The following FAAH2 variants were observed in gnomAD, a reference collection of about 807,000 sequenced individuals.
FAAH2 encodes the protein fatty acid amide hydrolase 2.
Under a neutral mutation model 36.9 loss-of-function variants are expected in FAAH2, and 60 were observed. The observed-to-expected ratio is 1.63, with a 90% CI of 1.32 to 2.02. The LOEUF (loss-of-function observed/expected upper bound fraction) is 2.02. Among genes scored for constraint, FAAH2 ranks in the 30% most tolerant of loss-of-function variants. FAAH2 has a pLI of 0.00. For synonymous variants in FAAH2, 214 were observed against 143.8 expected (o/e 1.49, Z -3.49); for missense variants, 689 against 397.5 (o/e 1.73, Z -6.23).
At chrX:57,330,968 C>T (rs950585750) in intron 3 of FAAH2, among the ~76,000 whole-genome samples, 13 of 110,335 alleles carry the variant, frequency 1.2e-4, no homozygotes, top group African/African-American at 4.3e-4. Flanking sequence ...CAGACTTGGG[C>T]CCTGGGAGAA....
intron 8 of FAAH2, among the ~76,000 whole-genome samples, chrX:57,432,810 G>A (rs2056331231): frequency 9.0e-6 from 1 of 110,747 alleles, no homozygotes; most frequent in East Asian, 2.8e-4. Flanking sequence ...TGTTATCTTG[G>A]GCAAGTTACT....
intron 2 of FAAH2, among the ~76,000 whole-genome samples, chrX:57,305,291 A>T (rs1247986766): frequency 1.8e-5 from 2 of 111,325 alleles, no homozygotes; most frequent in Non-Finnish European, 3.8e-5. Context: ...ATTAAAATCA[A>T]ACTCATGAAA....
At chrX:57,153,527 T>C in the FAAH2 span, among the ~76,000 whole-genome samples, 307 of 112,183 alleles carry the variant, frequency 2.7e-3, no homozygotes, top group African/African-American at 9.3e-3. Context: ...GATTTCAGTC[T>C]CCCCTTAGTA....
chrX:57,247,600 G>T, the FAAH2 span, among the ~76,000 whole-genome samples: 1 of 111,159 alleles, frequency 9.0e-6, no homozygotes, highest in South Asian at 3.8e-4. Context: ...TATCTTGTTT[G>T]TCTACCATTC....
intron 2 of FAAH2, among the ~76,000 whole-genome samples, chrX:57,307,201 G>T (rs1000891033): frequency 1.9e-5 from 2 of 104,962 alleles, no homozygotes; most frequent in African/African-American, 6.8e-5. Context: ...TCTGTTTGGG[G>T]TTCTTCTTCT....
chrX:57,220,486 AC>A, the FAAH2 span, among the ~76,000 whole-genome samples: 1 of 109,756 alleles, frequency 9.1e-6, no homozygotes, highest in Non-Finnish European at 1.9e-5. Context: ...CTCCTAATCC[AC>A]CCCCAATGTT....
At chrX:57,352,108 GTGTATATATA>G in intron 5 of FAAH2, among the ~76,000 whole-genome samples, 1 of 41,536 alleles carries the variant, frequency 2.4e-5, no homozygotes, top group South Asian at 1.5e-3. Context: ...ATATATATAT[GTGTATATATA>G]TGCACATATA....
At chrX:57,417,814 C>T (rs1027443535) in intron 7 of FAAH2, among the ~76,000 whole-genome samples, 1 of 111,970 alleles carries the variant, frequency 8.9e-6, no homozygotes, top group Non-Finnish European at 1.9e-5. Context: ...TTTAAGTCTG[C>T]TGAAGCTGGG....
At chrX:57,275,005 C>T in the FAAH2 span, among the ~76,000 whole-genome samples, 43 of 111,626 alleles carry the variant, frequency 3.9e-4, no homozygotes, top group Admixed American at 1.6e-3. Flanking sequence ...TTTAGAAAAC[C>T]CCATCATCTC....
At chrX:57,165,444 A>G in the FAAH2 span, among the ~76,000 whole-genome samples, 5 of 111,346 alleles carry the variant, frequency 4.5e-5, no homozygotes, top group South Asian at 1.9e-3. Flanking sequence ...GCAAGAACAA[A>G]AAACCAAACA....
chrX:57,431,934 A>G lies in FAAH2; in HGVS notation c.1013A>G (p.Glu338Gly), dbSNP rs955723841. 2.5e-6 allele frequency: 3 copies of G among 1,201,673 alleles called. No individual in the cohort carries two copies. The highest frequency in any genetic ancestry group is 3.4e-6 in the Non-Finnish European group (3 of 889,680). ...MTQKKVVVHL[E>G]TILGASVQHV... is the part of the protein sequence containing the mutation. ...TTTTATAAGGTTGTGGTTCACCTTG[A>G]AACTATTCTAGGAGCCTCAGTTCAA... The change falls in exon 8 of 11, where the codon GAA becomes GGA. Residue 338 changes from glutamate to glycine, a missense_variant. Glu to Gly is a moderately conservative substitution (Grantham distance 98). Coordinates refer to ENST00000374900, the MANE Select transcript of FAAH2 (RefSeq NM_174912.4).
the FAAH2 span, among the ~76,000 whole-genome samples, chrX:57,199,504 G>A: frequency 9.0e-6 from 1 of 111,383 alleles, no homozygotes; most frequent in Non-Finnish European, 1.9e-5. Context: ...CTAACATACT[G>A]TCTATCCTTG....
At chrX:57,436,306 A>G (rs2147128553) in intron 8 of FAAH2, among the ~76,000 whole-genome samples, 1 of 110,585 alleles carries the variant, frequency 9.0e-6, no homozygotes, top group South Asian at 3.8e-4. Flanking sequence ...ACTGCCATGA[A>G]CTAGAAACAC....
the FAAH2 span, among the ~76,000 whole-genome samples, chrX:57,238,641 A>G: frequency 4.5e-5 from 5 of 112,047 alleles, no homozygotes; most frequent in East Asian, 1.4e-3. Flanking sequence ...GAAAGTTAAA[A>G]AAACTTCCTT....
chrX:57,463,723 G>A (rs903970726), intron 10 of FAAH2, among the ~76,000 whole-genome samples: 2 of 111,771 alleles, frequency 1.8e-5, no homozygotes, highest in Non-Finnish European at 3.8e-5. Flanking sequence ...ACCCCAGTTA[G>A]AATGGTGATC....
At chrX:57,457,125 G>A (rs1251583141) in intron 10 of FAAH2, among the ~76,000 whole-genome samples, 1 of 111,637 alleles carries the variant, frequency 9.0e-6, no homozygotes, top group East Asian at 2.8e-4. Context: ...TTTATTTCTG[G>A]GATGCAAGGT....
At chrX:57,292,278 G>A (rs1019077368) in intron 1 of FAAH2, among the ~76,000 whole-genome samples, 37 of 111,107 alleles carry the variant, frequency 3.3e-4, no homozygotes, top group Admixed American at 9.6e-5. Context: ...CTCATTGTTT[G>A]GAACTTTCTT....
At position 57,330,900 on chromosome X, in the gene FAAH2, G is replaced by A. The variant is rs138840036; in HGVS notation, c.413-698G>A. Among the ~76,000 whole-genome samples, 481 of 110,523 alleles carry A rather than the reference G, an allele frequency of 4.4e-3. 3 individuals carry two copies. Among genetic ancestry groups the A allele is most frequent in the Middle Eastern group, 0.019 (4 of 216 alleles). On this transcript the variant is annotated intron_variant, in intron 3 of 10. Coordinates refer to ENST00000374900, the MANE Select transcript of FAAH2 (RefSeq NM_174912.4). Reference sequence around the variant, plus strand: ...AGGTGCTATCCACCTGACAGGTCAGGAATTGTGATGCAGGGCCCCAGGACG... The same window carrying A: ...AGGTGCTATCCACCTGACAGGTCAGAAATTGTGATGCAGGGCCCCAGGACG...
intron 7 of FAAH2, among the ~76,000 whole-genome samples, chrX:57,425,186 A>C (rs1020376478): frequency 3.6e-5 from 4 of 111,768 alleles, no homozygotes; most frequent in African/African-American, 9.7e-5. Flanking sequence ...AAAAAGAAAT[A>C]GTTTCAAAAA....
Sources: allele counts gnomAD v4.1 joint callset (sites outside exome capture counted in the v4.1 genomes callset), GRCh38; gene constraint gnomAD v4.1.1; transcripts MANE v1.5; gene names NCBI Gene and HGNC (gene_info 2026-07-23, HGNC 2026-07-21).